Variants in NLRP1 observed in about 807,000 individuals in gnomAD.
NLRP1 encodes the protein NACHT, LRR and PYD domains-containing protein 1.
Under a neutral mutation model 136.7 loss-of-function variants are expected in NLRP1, and 94 were observed. That is an observed-to-expected ratio of 0.69 (90% confidence interval 0.58 to 0.82). The LOEUF is 0.82. NLRP1 is among the 40% of genes least tolerant of loss of function. NLRP1 has a pLI of 0.00. For missense variants in NLRP1, 1,575 were observed against 1,802.7 expected (o/e 0.87, Z 2.29); for synonymous variants, 690 against 725.1 (o/e 0.95, Z 0.78).
chr17:5,501,780 T>C (rs754416419), exon 16 of NLRP1: 10 of 1,593,194 alleles, frequency 6.3e-6, no homozygotes, highest in South Asian at 3.3e-5. Flanking sequence ...AAGCCCTCTC[T>C]GGCTTCATTG....
chr17:5,529,430 C>A (rs1277441445), intron 12 of NLRP1, among the ~76,000 whole-genome samples: 1 of 148,872 alleles, frequency 6.7e-6, no homozygotes. Flanking sequence ...TGCAGTGGTG[C>A]GATCTTGGCT....
intron 3 of NLRP1, among the ~76,000 whole-genome samples, chr17:5,566,958 A>G (rs1189918455): frequency 6.6e-6 from 1 of 151,852 alleles, no homozygotes; most frequent in East Asian, 1.9e-4. Context: ...TTTGAAATCT[A>G]TTTTGTCTGA....
At chr17:5,574,647 A>G (rs1400267880) in intron 3 of NLRP1, among the ~76,000 whole-genome samples, 1 of 151,728 alleles carries the variant, frequency 6.6e-6, no homozygotes, top group Non-Finnish European at 1.5e-5. Context: ...AGTGGGGGCC[A>G]ATATTCAACA....
At chr17:5,543,455 T>G (rs1012618379) in intron 5 of NLRP1, among the ~76,000 whole-genome samples, 1 of 152,098 alleles carries the variant, frequency 6.6e-6, no homozygotes, top group African/African-American at 2.4e-5. Flanking sequence ...CTAGAAAATA[T>G]CAAGATAGTA....
chr17:5,534,159 C>T (rs1381480396), intron 8 of NLRP1, among the ~76,000 whole-genome samples, 171 bp from the exon 9 acceptor site: 6 of 152,020 alleles, frequency 3.9e-5, no homozygotes, highest in South Asian at 2.1e-4. Context: ...CTCAGGAGTT[C>T]GAGACCAGCT....
intron 12 of NLRP1, among the ~76,000 whole-genome samples, chr17:5,525,858 G>C (rs967970999): frequency 6.6e-6 from 1 of 152,212 alleles, no homozygotes; most frequent in African/African-American, 2.4e-5. Flanking sequence ...TCGTATTACA[G>C]ATAAAATGCA....
chr17:5,569,418 G>A (rs1915643102), intron 3 of NLRP1, among the ~76,000 whole-genome samples: 1 of 152,116 alleles, frequency 6.6e-6, no homozygotes, highest in African/African-American at 2.4e-5. Context: ...AAAGTAAAGG[G>A]ATGGGGAAAA....
Position 5,583,598 on chromosome 17 carries a change from G to C in NLRP1, c.271+89C>G. On this transcript the variant is annotated intron_variant, in intron 1 of 16. Transcript: ENST00000572272. This position sits in a 1 kb window ranked among gnomAD's most constrained non-coding sequence, Gnocchi z 4.5. The stretch of plus-strand genomic sequence containing the variant: ...ACTGCTCAGAGGAAGGCCTGGCAGG[G>C]AGGGCTCAGTGGTGGGGTCCCAAGA... 7.5e-7 allele frequency: 1 copy of C among 1,330,922 alleles called. No homozygotes were observed. Among genetic ancestry groups the C allele is most frequent in the Non-Finnish European group, 1.0e-6 (1 of 979,806 alleles). 82.4% of individuals were successfully genotyped at this position (1,330,922 alleles called of 1,614,324 possible).
chr17:5,564,719 TG>T (rs1180822458), intron 3 of NLRP1, among the ~76,000 whole-genome samples: 1 of 149,614 alleles, frequency 6.7e-6, no homozygotes, highest in Non-Finnish European at 1.5e-5. Context: ...GCAGTGAGAT[TG>T]CTCAATTTTT....
chr17:5,582,703 GT>G lies in NLRP1; in HGVS notation c.414del (p.Arg138SerfsTer57), dbSNP rs771551366. 71 of 1,614,026 alleles carry G rather than the reference GT, an allele frequency of 4.4e-5. No homozygotes were observed. Among genetic ancestry groups the G allele is most frequent in the Non-Finnish European group, 1.7e-6 (2 of 1,180,030 alleles). On this transcript the variant is annotated frameshift_variant, in exon 2 of 17. Transcript: ENST00000572272. LOFTEE classifies it high-confidence loss of function. ...CTQGSERRVL[R>X]QLPDTSGRRW... ...CGGCGTCCAGATGTGTCAGGCAGCT[GT>G]CTCAAAACCCTTCTCTCTGAGCCCT...
Position 5,542,036 on chromosome 17 carries a change from G to T in NLRP1, c.2529-9C>A, listed in dbSNP as rs1555545222. The T allele has an allele frequency of 1.7e-5, 27 of 1,611,430 alleles. No individual in the cohort carries two copies. The Admixed American group carries it at 4.5e-4, about 27-fold the overall frequency. The stretch of plus-strand genomic sequence containing the variant: ...GGCCACAGCCAGCCAACCTGTGGAA[G>T]ACACACACCCATGGTCTTCAGGTTA... On this transcript the variant is annotated splice_polypyrimidine_tract_variant and intron_variant, in intron 5 of 16. Transcript: ENST00000572272.
intron 12 of NLRP1, chr17:5,529,942 GA>G (rs1007287844): frequency 1.1e-5 from 5 of 454,450 alleles, no homozygotes; most frequent in Admixed American, 4.7e-5. Flanking sequence ...AACTCTGTGG[GA>G]AGTCTTTGGA....
rs527517072 is a variant in NLRP1 at position 5,502,277 on chromosome 17, A to T, written c.4070-405T>A. The T allele has an allele frequency of 9.8e-5, 19 of 193,750 alleles. 1 individual carries two copies. The South Asian group carries it at 1.4e-3, about 15-fold the overall frequency. The allele number at this position is 193,750 out of a possible 1,614,324, so 12.0% of individuals were successfully genotyped here. On this transcript the variant is annotated intron_variant, in intron 15 of 15. Coordinates refer to the NLRP1 transcript ENST00000262467. ...CCTCATCCGTGATGTTGAGAATGTAAAATGGTGCAGTTCCTTTTTTTTTTT... is the reference window on the plus strand; with the variant it reads ...CCTCATCCGTGATGTTGAGAATGTATAATGGTGCAGTTCCTTTTTTTTTTT...
At chr17:5,505,644 C>T (rs925245280) in intron 15 of NLRP1, 1 of 152,270 alleles carries the variant, frequency 6.6e-6, no homozygotes, top group Admixed American at 6.5e-5. Context: ...ACTGCCATTG[C>T]ACAGGTTGCA....
intron 4 of NLRP1, among the ~76,000 whole-genome samples, chr17:5,554,865 TA>T (rs1243895426): frequency 6.6e-6 from 1 of 151,656 alleles, no homozygotes; most frequent in East Asian, 1.9e-4. Flanking sequence ...CTACAAAAAA[TA>T]AAAAAAATTA....
downstream of NLRP1, chr17:5,512,480 T>G (rs1907706328): frequency 1.4e-6 from 1 of 694,626 alleles, no homozygotes; most frequent in African/African-American, 1.8e-5. Context: ...ACCATTGCAT[T>G]TTTCTTTGCC....
intron 8 of NLRP1, among the ~76,000 whole-genome samples, chr17:5,534,759 G>T (rs7224071): frequency 0.056 from 8,517 of 152,164 alleles, 278 homozygotes; most frequent in Middle Eastern, 0.092. Context: ...CTGTAATGTC[G>T]CTTCATTGCT....
chr17:5,509,481 C>T (rs577797832), downstream of NLRP1, among the ~76,000 whole-genome samples: 3 of 152,328 alleles, frequency 2.0e-5, 1 homozygote, highest in South Asian at 6.2e-4. Context: ...AATCCTACTC[C>T]TTGGGAGAGT....
chr17:5,568,522 T>C (rs1567667770), intron 3 of NLRP1, among the ~76,000 whole-genome samples: 2 of 152,332 alleles, frequency 1.3e-5, no homozygotes, highest in East Asian at 3.8e-4. Context: ...GAATTCTGTC[T>C]GAAAGGTCAC....
Sources: gnomAD v4.1 joint callset for allele counts (sites outside exome capture counted in the v4.1 genomes callset) on GRCh38, gnomAD v4.1.1 for gene constraint, Gnocchi (gnomAD v3.1) non-coding constraint, MANE v1.5 for transcripts, NCBI Gene and HGNC (gene_info 2026-07-23, HGNC 2026-07-21) for gene names.